Variants in MAP3K20 observed in about 807,000 individuals in gnomAD.
MAP3K20 encodes HCCS-4.
A neutral mutation model predicts 85.7 loss-of-function variants in MAP3K20; 40 were observed. That is an observed-to-expected ratio of 0.47 (90% CI 0.36 to 0.61). The LOEUF is 0.61. Ranked by LOEUF, MAP3K20 falls within the 20% of genes least tolerant of loss-of-function variation. The probability of loss-of-function intolerance (pLI) is 0.00; values close to 1 mark genes in which losing one functional copy is unlikely to be tolerated. For synonymous variants in MAP3K20, 325 were observed against 327.7 expected (o/e 0.99, Z 0.09); for missense variants, 817 against 961.7 (o/e 0.85, Z 1.99).
At chr2:173,199,186 A>G (rs1690951923) in intron 8 of MAP3K20, among the ~76,000 whole-genome samples, 1 of 152,222 alleles carries the variant, frequency 6.6e-6, no homozygotes. Flanking sequence ...GGAACAAACT[A>G]GATTAATCAA....
intron 5 of MAP3K20, among the ~76,000 whole-genome samples, chr2:173,188,286 T>A (rs1690549296): frequency 6.6e-6 from 1 of 152,216 alleles, no homozygotes; most frequent in Non-Finnish European, 1.5e-5. Flanking sequence ...GGTAACAGAA[T>A]GCTTCTTCTG....
At chr2:173,143,710 A>G (rs542072945) in intron 2 of MAP3K20, among the ~76,000 whole-genome samples, 1 of 152,322 alleles carries the variant, frequency 6.6e-6, no homozygotes, top group South Asian at 2.1e-4. Flanking sequence ...AGGCATTAAG[A>G]TTGGAGAGGA....
At chr2:173,207,116 CA>C (rs371599976) in intron 9 of MAP3K20, among the ~76,000 whole-genome samples, 122 of 151,052 alleles carry the variant, frequency 8.1e-4, no homozygotes, top group Middle Eastern at 3.4e-3. Context: ...AACAGGTGCT[CA>C]AAATATTTTA....
rs778140560 is a variant in MAP3K20, at chr2:173,221,226, A to T, written c.987+3976A>T. The T allele has an allele frequency of 1.5e-5, 24 of 1,613,262 alleles. No individual in the cohort carries two copies. The South Asian group carries it at 2.3e-4, about 16-fold the overall frequency. On this transcript the variant is annotated intron_variant, in intron 11 of 19. Transcript: ENST00000375213. ...AAAACAGAGGAGTCAAACAGTGCAG[A>T]GATGTCATGTCAGATCACAGCAACA...
At position 173,184,730 on chromosome 2, in the gene MAP3K20, G is replaced by A. The variant is rs193152587; in HGVS notation, c.349+1775G>A. 7.8e-3 allele frequency among the ~76,000 whole-genome samples: 1,187 copies of A among 152,200 alleles called. 5 individuals are homozygous for A. Among genetic ancestry groups the A allele is most frequent in the South Asian group, 0.021 (101 of 4,818 alleles). On this transcript the variant is annotated intron_variant, in intron 4 of 19. Coordinates refer to ENST00000375213, the MANE Select transcript of MAP3K20 (RefSeq NM_016653.3). ...TTGAGATCAGCCTGGCCAACAAGGC[G>A]AAACCCTGTCTCTACTAAAAATACA... is the stretch of plus-strand genomic sequence containing the variant.
At chr2:173,142,959 C>A (rs1157849091) in intron 2 of MAP3K20, among the ~76,000 whole-genome samples, 1 of 151,768 alleles carries the variant, frequency 6.6e-6, no homozygotes, top group Non-Finnish European at 1.5e-5. Flanking sequence ...CCCAGGAGTT[C>A]AAGGCTGCAG....
rs200137072 is a variant in MAP3K20, at chr2:173,191,026, T to G, written c.445-14T>G. ...CAATAAGTAGAAAGTTGACACTGAT[T>G]CCTGTTTTCTCAGATCTGTGACTTT... On this transcript the variant is annotated splice_polypyrimidine_tract_variant and intron_variant, in intron 6 of 19. Transcript: ENST00000375213. 8.7e-6 allele frequency: 14 copies of G among 1,613,368 alleles called. No homozygotes were observed. The South Asian group carries it at 1.5e-4, about 18-fold the overall frequency.
chr2:173,134,729 T>A (rs1323941644), intron 2 of MAP3K20, among the ~76,000 whole-genome samples: 1 of 151,994 alleles, frequency 6.6e-6, no homozygotes, highest in East Asian at 1.9e-4. Context: ...CTCTTTTTAC[T>A]TTTATTTTAT....
chr2:173,169,807 A>G lies in MAP3K20; in HGVS notation c.162A>G (p.Ala54=), dbSNP rs745811851. 1.2e-6 allele frequency: 2 copies of G among 1,612,440 alleles called. No individual in the cohort carries two copies. Among genetic ancestry groups the G allele is most frequent in the Non-Finnish European group, 1.7e-6 (2 of 1,179,544 alleles). Residue 54 remains alanine (A), a splice_region_variant and synonymous_variant, in exon 3 of 20, where the codon GCA becomes GCG. Coordinates refer to ENST00000375213, the MANE Select transcript of MAP3K20 (RefSeq NM_016653.3). ...TTTGCATTTTATTTTTTGTACAGGC[A>G]GAAATACTCAGTGTCCTCAGTCACA... The part of the protein sequence containing the change: ...VKKLLKIEKE[A]EILSVLSHRN...
intron 16 of MAP3K20, 91 bp from the exon 17 acceptor site, chr2:173,258,608 A>G (rs1685212870): frequency 1.4e-6 from 1 of 689,948 alleles, no homozygotes; most frequent in Admixed American, 2.9e-5. Context: ...ATAATACTTC[A>G]TTTAGAATAT....
intron 2 of MAP3K20, among the ~76,000 whole-genome samples, chr2:173,132,283 A>G (rs1347898197): frequency 1.3e-5 from 2 of 152,142 alleles, no homozygotes; most frequent in Admixed American, 1.3e-4. Context: ...TCCATTACCT[A>G]TAGAAAACTT....
chr2:173,226,860 GTTTTT>G, intron 11 of MAP3K20: 1 of 984,496 alleles, frequency 1.0e-6, no homozygotes, highest in Non-Finnish European at 1.2e-6. Context: ...TCACTTTATT[GTTTTT>G]TTAACAAAAA....
intron 11 of MAP3K20, among the ~76,000 whole-genome samples, chr2:173,218,586 G>C (rs1404104528): frequency 6.6e-6 from 1 of 152,220 alleles, no homozygotes; most frequent in African/African-American, 2.4e-5. Flanking sequence ...GAGCTCATGA[G>C]GGACAGGAGC....
chr2:173,253,394 A>G (rs183820515), intron 16 of MAP3K20, among the ~76,000 whole-genome samples: 1 of 152,232 alleles, frequency 6.6e-6, no homozygotes, highest in Admixed American at 6.5e-5. Flanking sequence ...GAAAGGTTAC[A>G]TAAGTTGGCT....
chr2:173,101,892 G>A (rs1046752941), intron 2 of MAP3K20, among the ~76,000 whole-genome samples: 8 of 152,060 alleles, frequency 5.3e-5, no homozygotes, highest in Admixed American at 2.6e-4. Context: ...TCATACTCCC[G>A]GTTAGGACAT....
intron 1 of MAP3K20, among the ~76,000 whole-genome samples, chr2:173,090,185 T>C (rs947602275): frequency 4.6e-5 from 7 of 152,188 alleles, no homozygotes; most frequent in African/African-American, 1.4e-4. Context: ...GTCTCACTAA[T>C]CTATGGTTTG....
intron 2 of MAP3K20, among the ~76,000 whole-genome samples, chr2:173,150,476 G>A (rs531786164): frequency 6.6e-5 from 10 of 152,358 alleles, no homozygotes; most frequent in African/African-American, 2.2e-4. Flanking sequence ...AAGAGAGAGT[G>A]CTATTGCTGT....
At chr2:173,108,144 T>TA (rs556216623) in intron 2 of MAP3K20, among the ~76,000 whole-genome samples, 1,823 of 131,420 alleles carry the variant, frequency 0.014, 23 homozygotes, top group Middle Eastern at 0.029. Flanking sequence ...TTTTTTTTTT[T>TA]ATTTTTTTTT....
intron 16 of MAP3K20, among the ~76,000 whole-genome samples, chr2:173,241,675 C>T (rs954495111): frequency 2.0e-5 from 3 of 152,220 alleles, no homozygotes; most frequent in African/African-American, 7.2e-5. Flanking sequence ...TACCCAAAAA[C>T]ATTAAATTTT....
Sources: allele counts gnomAD v4.1 joint callset (sites outside exome capture counted in the v4.1 genomes callset), GRCh38; gene constraint gnomAD v4.1.1; transcripts MANE v1.5; gene names NCBI Gene and HGNC (gene_info 2026-07-23, HGNC 2026-07-21).